S100Z: variants seen among roughly 807,000 people sequenced by gnomAD.
S100Z encodes the protein S100 calcium binding protein Z, also known as protein S100-Z.
In S100Z, 11 loss-of-function variants were observed where a neutral mutation model predicts 8.5. The ratio of observed to expected loss-of-function variants is 1.30; its 90% CI spans 0.82 to 2.15. The LOEUF (loss-of-function observed/expected upper bound fraction) is 2.15, where lower values mean the gene tolerates loss of function less well. S100Z is among the 30% of genes most tolerant of loss of function. The probability of loss-of-function intolerance (pLI) is 0.00; values close to 1 mark genes in which losing one functional copy is unlikely to be tolerated. For synonymous variants in S100Z, 34 were observed against 43.8 expected, an observed-to-expected ratio of 0.78 and a Z score of 0.89; for missense variants, 126 against 117.9, an observed-to-expected ratio of 1.07 and a Z score of -0.32.
downstream of S100Z, among the ~76,000 whole-genome samples, chr5:76,924,472 T>C (rs1745100966): frequency 6.6e-6 from 1 of 152,194 alleles, no homozygotes; most frequent in South Asian, 2.1e-4. Context: ...ATTCTCCCTG[T>C]GATTAGCATG....
At chr5:76,894,198 C>CCACCTCTTATTCTT (rs1743957903) in intron 4 of S100Z, among the ~76,000 whole-genome samples, 1 of 152,218 alleles carries the variant, frequency 6.6e-6, no homozygotes, top group Admixed American at 6.5e-5. Flanking sequence ...CTTATTGCAA[C>CCACCTCTTATTCTT]CTAGACATTC....
chr5:76,939,846 C>T, the S100Z span, among the ~76,000 whole-genome samples: 7 of 151,878 alleles, frequency 4.6e-5, no homozygotes, highest in South Asian at 2.1e-4. Context: ...AAAATTGGCA[C>T]GTCTGACTCC....
At chr5:76,940,401 ATTTTTTTCTTTTT>A in the S100Z span, among the ~76,000 whole-genome samples, 3 of 107,906 alleles carry the variant, frequency 2.8e-5, no homozygotes, top group South Asian at 4.5e-4. Flanking sequence ...TTAAGTGGCA[ATTTTTTTCTTTTT>A]TTTTTTTCTT....
intron 4 of S100Z, among the ~76,000 whole-genome samples, chr5:76,911,992 A>C (rs1447308196): frequency 6.6e-6 from 1 of 152,154 alleles, no homozygotes; most frequent in Non-Finnish European, 1.5e-5. Context: ...CCTTACTCAG[A>C]CTCGTGGGAC....
At chr5:76,908,868 C>T (rs779552754) in intron 4 of S100Z, among the ~76,000 whole-genome samples, 11 of 152,094 alleles carry the variant, frequency 7.2e-5, no homozygotes, top group African/African-American at 1.2e-4. Flanking sequence ...AACAGGTTTT[C>T]GAGAATGCAT....
chr5:76,872,246 C>A (rs901710026), intron 2 of S100Z, among the ~76,000 whole-genome samples: 1 of 151,734 alleles, frequency 6.6e-6, no homozygotes, highest in African/African-American at 2.4e-5. Flanking sequence ...GACCCTATCT[C>A]AAAAATAAAT....
chr5:76,951,438 AG>A, the S100Z span, among the ~76,000 whole-genome samples: 1 of 152,232 alleles, frequency 6.6e-6, no homozygotes, highest in South Asian at 2.1e-4. Context: ...AGACCCCCTA[AG>A]AGGTAAAGGC....
At chr5:76,939,930 C>T in the S100Z span, among the ~76,000 whole-genome samples, 9 of 152,042 alleles carry the variant, frequency 5.9e-5, no homozygotes, top group East Asian at 5.9e-4. Context: ...GAGGCTGAGG[C>T]GGGCGGATCA....
chr5:76,881,613 T>C (rs1282202119), intron 4 of S100Z, among the ~76,000 whole-genome samples: 1 of 152,170 alleles, frequency 6.6e-6, no homozygotes, highest in African/African-American at 2.4e-5. Context: ...GTAACCTACA[T>C]GGAAGAGGTT....
intron 1 of S100Z, among the ~76,000 whole-genome samples, chr5:76,863,684 AC>A (rs1250639989): frequency 6.6e-6 from 1 of 151,018 alleles, no homozygotes; most frequent in Non-Finnish European, 1.5e-5. Context: ...GACTACAGGC[AC>A]CCGCCACCAC....
At chr5:76,933,984 T>C in the S100Z span, among the ~76,000 whole-genome samples, 1 of 152,262 alleles carries the variant, frequency 6.6e-6, no homozygotes, top group African/African-American at 2.4e-5. Context: ...ATCATGTATT[T>C]CTGGCTTATT....
At chr5:76,884,281 GC>G (rs1743520272) in intron 4 of S100Z, among the ~76,000 whole-genome samples, 1 of 152,138 alleles carries the variant, frequency 6.6e-6, no homozygotes, top group African/African-American at 2.4e-5. Context: ...GCCTTTTTAA[GC>G]CCTTTAACTA....
At chr5:76,939,089 T>G in the S100Z span, among the ~76,000 whole-genome samples, 2 of 152,158 alleles carry the variant, frequency 1.3e-5, no homozygotes, top group African/African-American at 2.4e-5. Context: ...ATTCTTTGAC[T>G]GCTCTGCTCT....
chr5:76,934,680 T>A, the S100Z span, among the ~76,000 whole-genome samples: 4 of 152,194 alleles, frequency 2.6e-5, no homozygotes, highest in Non-Finnish European at 1.5e-5. Flanking sequence ...AGTGTTCCTC[T>A]CCTTCAGAGG....
chr5:76,891,148 C>T (rs546958471), intron 4 of S100Z, among the ~76,000 whole-genome samples: 1 of 152,354 alleles, frequency 6.6e-6, no homozygotes, highest in South Asian at 2.1e-4. Flanking sequence ...CAGGCGTGAG[C>T]CACCATGCCC....
At chr5:76,857,427 A>C (rs1239799830) in intron 1 of S100Z, among the ~76,000 whole-genome samples, 1 of 152,020 alleles carries the variant, frequency 6.6e-6, no homozygotes, top group Non-Finnish European at 1.5e-5. Flanking sequence ...TTCCATATAT[A>C]TACTCTCTGA....
At chr5:76,952,539 C>A in the S100Z span, among the ~76,000 whole-genome samples, 1 of 152,228 alleles carries the variant, frequency 6.6e-6, no homozygotes, top group African/African-American at 2.4e-5. Flanking sequence ...TGCTTCTGTT[C>A]CACCTCTTTA....
At chr5:76,927,988 C>T in the S100Z span, among the ~76,000 whole-genome samples, 3 of 152,150 alleles carry the variant, frequency 2.0e-5, no homozygotes, top group African/African-American at 7.2e-5. Flanking sequence ...CTAGACTCTG[C>T]TCTGAGGACG....
At chr5:76,917,538 C>T (rs1326164042) in intron 4 of S100Z, among the ~76,000 whole-genome samples, 1 of 152,170 alleles carries the variant, frequency 6.6e-6, no homozygotes, top group Non-Finnish European at 1.5e-5. Flanking sequence ...GGTCAAAAAT[C>T]AGAAATTGGC....
Sources: gnomAD v4.1 joint callset for allele counts (sites outside exome capture counted in the v4.1 genomes callset) on GRCh38, gnomAD v4.1.1 for gene constraint, MANE v1.5 for transcripts, NCBI Gene and HGNC (gene_info 2026-07-23, HGNC 2026-07-21) for gene names.